Variants in XRCC4 observed in about 807,000 individuals in gnomAD.
The protein encoded by XRCC4 is DNA repair protein XRCC4.
A neutral mutation model predicts 39.1 loss-of-function variants in XRCC4; 28 were observed. The ratio of observed to expected loss-of-function variants is 0.72; its 90% CI spans 0.53 to 0.98. The LOEUF (loss-of-function observed/expected upper bound fraction) is 0.98. Ranked by LOEUF, XRCC4 falls within the 50% of genes least tolerant of loss-of-function variation. The pLI, the probability that XRCC4 is intolerant of heterozygous loss-of-function variation, is 0.00. For synonymous variants in XRCC4, 123 were observed against 126.4 expected, an observed-to-expected ratio of 0.97 and a Z score of 0.18; for missense variants, 350 against 376.4, an observed-to-expected ratio of 0.93 and a Z score of 0.58.
intron 1 of XRCC4, among the ~76,000 whole-genome samples, chr5:83,085,017 G>C (rs2112290732): frequency 6.6e-6 from 1 of 152,262 alleles, no homozygotes; most frequent in Non-Finnish European, 1.5e-5. Flanking sequence ...ATTACCTGGA[G>C]GACATTGTAT....
chr5:83,360,697 A>G, the XRCC4 span, among the ~76,000 whole-genome samples: 3 of 151,960 alleles, frequency 2.0e-5, no homozygotes, highest in African/African-American at 7.3e-5. Flanking sequence ...CTGAAGAGTT[A>G]CAGAGCAGAA....
intron 6 of XRCC4, among the ~76,000 whole-genome samples, chr5:83,224,766 C>T (rs996093025): frequency 2.2e-4 from 33 of 152,060 alleles, no homozygotes; most frequent in East Asian, 7.7e-4. Flanking sequence ...AATTCCTCTG[C>T]GGAATTATTC....
chr5:83,340,815 A>G (rs1216046581), intron 7 of XRCC4, among the ~76,000 whole-genome samples: 1 of 152,204 alleles, frequency 6.6e-6, no homozygotes, highest in East Asian at 1.9e-4. Flanking sequence ...GGAAACAAAA[A>G]CAGCTCATCC....
rs201235787 is a variant in XRCC4, at chr5:83,200,971, G to GT, written c.483-2574dup. Among the ~76,000 whole-genome samples, 374 of 152,000 alleles carry GT rather than the reference G, an allele frequency of 2.5e-3. 1 individual carries two copies. The highest frequency in any genetic ancestry group is 5.6e-3 in the Admixed American group (85 of 15,270). On this transcript the variant is annotated intron_variant, in intron 4 of 7. Coordinates refer to ENST00000396027, the MANE Select transcript of XRCC4 (RefSeq NM_003401.5). ...ATTGCTAGCTCCTTTTCAATATTCAGTTTTTTTCTAACATCTTTCGTGTAC... is the reference window on the plus strand; with the variant it reads ...ATTGCTAGCTCCTTTTCAATATTCAGTTTTTTTTCTAACATCTTTCGTGTAC...
chr5:83,293,809 A>G lies in XRCC4; in HGVS notation c.893+35132A>G, dbSNP rs574108196. On this transcript the variant is annotated intron_variant, in intron 7 of 7. Transcript: ENST00000396027. ...GAGTGAATGAATGTGTGTTTATGTC[A>G]GATCCTATAAGAAAAAGAATATACA... 2.2e-4 allele frequency among the ~76,000 whole-genome samples: 34 copies of G among 152,144 alleles called. 2 individuals are homozygous for G. The highest frequency in any genetic ancestry group is 8.2e-4 in the African/African-American group (34 of 41,540).
In XRCC4 at chr5:83,273,776, A is replaced by G. The variant is rs558323774; in HGVS notation, c.893+15099A>G. 1.5e-4 allele frequency among the ~76,000 whole-genome samples: 23 copies of G among 152,020 alleles called. No individual in the cohort carries two copies. In the East Asian group the frequency reaches 4.5e-3, roughly 29 times the overall value. On this transcript the variant is annotated intron_variant, in intron 7 of 7. Coordinates refer to ENST00000396027, the MANE Select transcript of XRCC4 (RefSeq NM_003401.5). ...CCTCTGTTCTGTTGCATTGGTCTATATATCTGTTTTGGTGCCAGTACCATG... is the reference window on the plus strand; with the variant it reads ...CCTCTGTTCTGTTGCATTGGTCTATGTATCTGTTTTGGTGCCAGTACCATG...
At chr5:83,365,000 T>C in the XRCC4 span, among the ~76,000 whole-genome samples, 1 of 152,346 alleles carries the variant, frequency 6.6e-6, no homozygotes. Flanking sequence ...CATAGGCTTC[T>C]AGAACCCTGT....
intron 3 of XRCC4, among the ~76,000 whole-genome samples, chr5:83,111,756 A>G (rs1385892135): frequency 1.3e-5 from 2 of 152,130 alleles, no homozygotes; most frequent in African/African-American, 4.8e-5. Context: ...TATTCTGCTC[A>G]GTTCCTGCAC....
chr5:83,138,718 A>G (rs2112510174), intron 3 of XRCC4, among the ~76,000 whole-genome samples: 1 of 152,186 alleles, frequency 6.6e-6, no homozygotes, highest in Middle Eastern at 3.4e-3. Context: ...TAATAATTAA[A>G]GGCAAGTTTC....
intron 3 of XRCC4, among the ~76,000 whole-genome samples, chr5:83,195,153 A>G (rs946428778): frequency 1.6e-4 from 24 of 152,126 alleles, no homozygotes; most frequent in Admixed American, 1.3e-3. Flanking sequence ...TTTATTTTAA[A>G]CTGTACCCTA....
chr5:83,374,227 C>T, the XRCC4 span, among the ~76,000 whole-genome samples: 8 of 152,116 alleles, frequency 5.3e-5, no homozygotes, highest in Non-Finnish European at 1.2e-4. Flanking sequence ...ATAATTCCCA[C>T]GTGTTGTGGG....
chr5:83,291,955 G>C (rs998374367), intron 7 of XRCC4, among the ~76,000 whole-genome samples: 174 of 127,084 alleles, frequency 1.4e-3, no homozygotes, highest in South Asian at 6.4e-3. Flanking sequence ...GTATTTCTGT[G>C]TGTGTGTGTG....
chr5:83,316,332 G>A (rs897309742), intron 7 of XRCC4, among the ~76,000 whole-genome samples: 2 of 152,078 alleles, frequency 1.3e-5, no homozygotes, highest in Non-Finnish European at 2.9e-5. Context: ...ATAATGACAG[G>A]TTCAAATTCA....
chr5:83,182,248 G>A (rs28360108), intron 3 of XRCC4, among the ~76,000 whole-genome samples: 2,208 of 152,144 alleles, frequency 0.015, 62 homozygotes, highest in African/African-American at 0.051. Context: ...ACTTCCATAC[G>A]AAACAGCAAT....
chr5:83,332,226 TACACACACACACAC>T (rs67822741), intron 7 of XRCC4, among the ~76,000 whole-genome samples: 31 of 141,950 alleles, frequency 2.2e-4, no homozygotes, highest in Non-Finnish European at 2.5e-4. Flanking sequence ...TTCAATCTTC[TACACACACACACAC>T]ACACACACAC....
chr5:83,104,245 TC>T (rs1746088712), intron 1 of XRCC4, among the ~76,000 whole-genome samples: 1 of 152,060 alleles, frequency 6.6e-6, no homozygotes, highest in African/African-American at 2.4e-5. Flanking sequence ...AGATTTTTTT[TC>T]CCCCATTGAA....
intron 6 of XRCC4, among the ~76,000 whole-genome samples, chr5:83,226,757 C>T (rs568120213): frequency 2.0e-5 from 3 of 152,262 alleles, no homozygotes; most frequent in South Asian, 4.1e-4. Context: ...GGCTGAAAGT[C>T]TTTCAGTTGG....
At chr5:83,271,507 A>C (rs1055153640) in intron 7 of XRCC4, among the ~76,000 whole-genome samples, 2 of 152,202 alleles carry the variant, frequency 1.3e-5, no homozygotes, top group Non-Finnish European at 2.9e-5. Flanking sequence ...CATGGCATGT[A>C]ACCATTATAT....
At position 83,192,554 on chromosome 5, in the gene XRCC4, GC is replaced by G. The variant is rs572780605; in HGVS notation, c.316-3213del. The stretch of plus-strand genomic sequence containing the variant: ...TCAAACTCTTGAGCTCAGGCAATCT[GC>G]CCACCTCGGCCTCCCAAAGTGCTAG... On this transcript the variant is annotated intron_variant, in intron 3 of 7. Coordinates refer to ENST00000396027, the MANE Select transcript of XRCC4 (RefSeq NM_003401.5). Among the ~76,000 whole-genome samples, 557 of 151,982 alleles carry G rather than the reference GC, an allele frequency of 3.7e-3. 2 individuals are homozygous for G. The highest frequency in any genetic ancestry group is 0.012 in the African/African-American group (490 of 41,468).
Sources: gnomAD v4.1 joint callset for allele counts (sites outside exome capture counted in the v4.1 genomes callset) on GRCh38, gnomAD v4.1.1 for gene constraint, MANE v1.5 for transcripts, NCBI Gene and HGNC (gene_info 2026-07-23, HGNC 2026-07-21) for gene names.